Variants in DSCAM observed in about 807,000 individuals in gnomAD.
DSCAM encodes the protein DS cell adhesion molecule.
In DSCAM, 47 loss-of-function variants were observed where a neutral mutation model predicts 217.7. The observed-to-expected ratio is 0.22, with a 90% CI of 0.17 to 0.28. The LOEUF (loss-of-function observed/expected upper bound fraction) is 0.28. Ranked by LOEUF, DSCAM falls within the 10% of genes least tolerant of loss-of-function variation. DSCAM has a pLI of 1.00. For missense variants in DSCAM, 2,080 were observed against 2,618.3 expected (o/e 0.79, Z 4.49); for synonymous variants, 1,056 against 1,015.3 (o/e 1.04, Z -0.76).
chr21:40,817,638 G>A (rs943051773), intron 1 of DSCAM, among the ~76,000 whole-genome samples: 11 of 152,210 alleles, frequency 7.2e-5, no homozygotes, highest in African/African-American at 2.6e-4. Context: ...CCGCCACCCC[G>A]TCTCCCAAGA....
At chr21:40,421,454 G>C (rs2075423266) in intron 3 of DSCAM, among the ~76,000 whole-genome samples, 1 of 152,240 alleles carries the variant, frequency 6.6e-6, no homozygotes, top group Non-Finnish European at 1.5e-5. Flanking sequence ...TTCTTAGCAT[G>C]CTCCTTTTTG....
At chr21:40,532,663 G>T (rs1218337989) in intron 3 of DSCAM, among the ~76,000 whole-genome samples, 1 of 152,168 alleles carries the variant, frequency 6.6e-6, no homozygotes, top group Non-Finnish European at 1.5e-5. Context: ...GCATGCTGCT[G>T]ATATAAGATG....
intron 3 of DSCAM, among the ~76,000 whole-genome samples, chr21:40,579,321 A>C (rs1261151169): frequency 6.6e-6 from 1 of 152,012 alleles, no homozygotes; most frequent in African/African-American, 2.4e-5. Context: ...GAAGAAAAAG[A>C]AGCAGTGAGG....
chr21:40,171,501 A>G (rs572485699), intron 15 of DSCAM, among the ~76,000 whole-genome samples: 4 of 151,956 alleles, frequency 2.6e-5, no homozygotes, highest in Non-Finnish European at 4.4e-5. Flanking sequence ...CAATGCTGCC[A>G]TGATTTGTCA....
chr21:40,472,887 G>A lies in DSCAM; in HGVS notation c.509-103642C>T, dbSNP rs1601670403. 2.6e-5 allele frequency among the ~76,000 whole-genome samples: 4 copies of A among 152,144 alleles called. No homozygotes were observed. The South Asian group carries it at 6.2e-4, about 24-fold the overall frequency. On this transcript the variant is annotated intron_variant, in intron 3 of 32. Coordinates refer to ENST00000400454, the MANE Select transcript of DSCAM (RefSeq NM_001389.5). The stretch of plus-strand genomic sequence containing the variant: ...TGCACATCACTGTGTGGAGAGAAAC[G>A]AGAAGAGAAAGGGTGTTTGGCCATG...
chr21:40,588,153 G>C (rs951368425), intron 3 of DSCAM, among the ~76,000 whole-genome samples: 1 of 152,084 alleles, frequency 6.6e-6, no homozygotes, highest in African/African-American at 2.4e-5. Flanking sequence ...AGACCTTGGC[G>C]GGCCCCTCAG....
intron 3 of DSCAM, among the ~76,000 whole-genome samples, chr21:40,681,519 G>A (rs533944201): frequency 8.9e-4 from 132 of 148,604 alleles, no homozygotes; most frequent in Non-Finnish European, 6.1e-4. Flanking sequence ...ATCTCATTGA[G>A]TATATATTTA....
At chr21:40,636,767 T>G (rs2146328677) in intron 3 of DSCAM, among the ~76,000 whole-genome samples, 1 of 151,282 alleles carries the variant, frequency 6.6e-6, no homozygotes, top group African/African-American at 2.4e-5. Flanking sequence ...TGACTTTTTT[T>G]TTTTTTTTTT....
chr21:40,488,829 T>A (rs1441031484), intron 3 of DSCAM, among the ~76,000 whole-genome samples: 1 of 152,116 alleles, frequency 6.6e-6, no homozygotes, highest in East Asian at 1.9e-4. Flanking sequence ...CAATTTAAAT[T>A]CTAGTTATTT....
At position 40,536,183 on chromosome 21, in the gene DSCAM, G is replaced by A. The variant is rs1035712075; in HGVS notation, c.508+156627C>T. Among the ~76,000 whole-genome samples the A allele has an allele frequency of 4.5e-4, 69 of 152,110 alleles. 2 individuals carry two copies. The highest frequency in any genetic ancestry group is 1.0e-4 in the Non-Finnish European group (7 of 68,022). ...TCGATTTTATGGTTGGAGAAGAAGC[G>A]GAAACTGATTTCCTGTGATGCCGAC... On this transcript the variant is annotated intron_variant, in intron 3 of 32. Coordinates refer to ENST00000400454, the MANE Select transcript of DSCAM (RefSeq NM_001389.5).
chr21:40,698,356 A>T lies in DSCAM; in HGVS notation c.362-5400T>A, dbSNP rs141711179. On this transcript the variant is annotated intron_variant, in intron 2 of 32. Coordinates refer to ENST00000400454, the MANE Select transcript of DSCAM (RefSeq NM_001389.5). ...GAGGGGTCAGCCCATAAAAGGGAAG[A>T]AAGTTTTGTTACTGGGAAATCAAAA... is the stretch of plus-strand genomic sequence containing the variant. 7.2e-3 allele frequency among the ~76,000 whole-genome samples: 1,102 copies of T among 152,280 alleles called. 12 individuals carry two copies. The highest frequency in any genetic ancestry group is 0.025 in the African/African-American group (1,038 of 41,544).
At chr21:40,292,419 A>C (rs556131789) in intron 10 of DSCAM, among the ~76,000 whole-genome samples, 7 of 152,196 alleles carry the variant, frequency 4.6e-5, no homozygotes, top group African/African-American at 1.2e-4. Flanking sequence ...AGCAAGGCTA[A>C]ATTGTTCTTA....
intron 1 of DSCAM, among the ~76,000 whole-genome samples, chr21:40,824,242 T>G (rs2091950834): frequency 6.6e-6 from 1 of 151,916 alleles, no homozygotes; most frequent in Non-Finnish European, 1.5e-5. Context: ...TTCCACCAAT[T>G]CTCTCTGCTC....
At chr21:40,765,565 G>C (rs1253797801) in intron 1 of DSCAM, among the ~76,000 whole-genome samples, 1 of 152,056 alleles carries the variant, frequency 6.6e-6, no homozygotes, top group Non-Finnish European at 1.5e-5. Context: ...CACATTCCAG[G>C]CATCATAGAA....
chr21:40,826,202 G>T (rs768082428), intron 1 of DSCAM, among the ~76,000 whole-genome samples: 3 of 152,246 alleles, frequency 2.0e-5, no homozygotes, highest in Non-Finnish European at 2.9e-5. Context: ...ACCTCTCTTA[G>T]GTGGTGATAT....
chr21:40,567,837 C>T (rs1018442934), intron 3 of DSCAM, among the ~76,000 whole-genome samples: 7 of 152,202 alleles, frequency 4.6e-5, no homozygotes, highest in African/African-American at 1.7e-4. Flanking sequence ...TTATCAGAAA[C>T]ACTAGTTTCA....
At chr21:40,419,533 T>G (rs2123815036) in intron 3 of DSCAM, among the ~76,000 whole-genome samples, 1 of 152,246 alleles carries the variant, frequency 6.6e-6, no homozygotes, top group South Asian at 2.1e-4. Context: ...CTGAGCAAAC[T>G]TCTATACCCA....
At chr21:40,366,934 T>C (rs547461222) in intron 4 of DSCAM, among the ~76,000 whole-genome samples, 21 of 152,336 alleles carry the variant, frequency 1.4e-4, no homozygotes, top group Non-Finnish European at 2.5e-4. Context: ...TGGAATTCTC[T>C]AGGGCCTCCC....
chr21:40,094,753 TCTTA>T (rs2089655102), intron 20 of DSCAM, among the ~76,000 whole-genome samples: 1 of 152,142 alleles, frequency 6.6e-6, no homozygotes, highest in African/African-American at 2.4e-5. Flanking sequence ...TCCTAATTAT[TCTTA>T]AAGGCAAGAC....
Sources: gnomAD v4.1 joint callset for allele counts (sites outside exome capture counted in the v4.1 genomes callset) on GRCh38, gnomAD v4.1.1 for gene constraint, MANE v1.5 for transcripts, NCBI Gene and HGNC (gene_info 2026-07-23, HGNC 2026-07-21) for gene names.